Variants in ATP1A2 observed in about 807,000 individuals in gnomAD.
ATP1A2 encodes the protein sodium/potassium-transporting ATPase subunit alpha-2.
ATP1A2 carries 56 observed loss-of-function variants against 113.1 expected under a neutral mutation model. The ratio of observed to expected loss-of-function variants is 0.49; its 90% CI spans 0.40 to 0.62. ATP1A2 has a LOEUF of 0.62. Ranked by LOEUF, ATP1A2 falls within the 20% of genes least tolerant of loss-of-function variation. The pLI is 0.00. For missense variants in ATP1A2, 712 were observed against 1,357.8 expected, an observed-to-expected ratio of 0.52 and a Z score of 7.47; for synonymous variants, 490 against 526.8, an observed-to-expected ratio of 0.93 and a Z score of 0.96.
intron 2 of ATP1A2, 46 bp downstream of exon 2, chr1:160,121,056 A>G: frequency 1.2e-6 from 2 of 1,610,586 alleles, no homozygotes; most frequent in Non-Finnish European, 1.7e-6. Context: ...ATGCTGGGAG[A>G]GCTGTCCCTG....
In ATP1A2 at chr1:160,120,930, G is replaced by A. The variant is rs753074130; in HGVS notation, c.37G>A (p.Ala13Thr). The change falls in exon 2 of 23, where the codon GCC (alanine) becomes ACC (threonine). Residue 13 changes from alanine (A) to threonine (T), a missense_variant. This residue lies in a region of ATP1A2 where 109 missense variants were observed against 162.3 expected (regional missense o/e 0.67). Coordinates refer to ENST00000361216, the MANE Select transcript of ATP1A2 (RefSeq NM_000702.4). ...GGCTGGCCGTGAGTACTCACCTGCCGCCACCACGGCAGAGAATGGGGGCGG... is the reference window on the plus strand; with the variant it reads ...GGCTGGCCGTGAGTACTCACCTGCCACCACCACGGCAGAGAATGGGGGCGG... ...RGAGREYSPAATTAENGGGKK... is the reference protein window; with the variant it reads ...RGAGREYSPATTTAENGGGKK... The A allele has an allele frequency of 1.2e-5, 19 of 1,605,170 alleles. No individual in the cohort carries two copies. The highest frequency in any genetic ancestry group is 4.5e-5 in the South Asian group (4 of 89,846).
At chr1:160,127,480 T>A (rs1224554044) in intron 7 of ATP1A2, 72 bp from the exon 8 acceptor site, 2 of 1,605,770 alleles carry the variant, frequency 1.2e-6, no homozygotes, top group Non-Finnish European at 1.7e-6. Flanking sequence ...TTTTCCTTGC[T>A]CAGGAAATAG....
At chr1:160,123,825 T>C (rs1273427614) in intron 4 of ATP1A2, 118 bp from the exon 5 acceptor site, 3 of 915,878 alleles carry the variant, frequency 3.3e-6, no homozygotes, top group Non-Finnish European at 5.3e-6. Context: ...TCACTCTCAG[T>C]CACAGACAAA....
intron 1 of ATP1A2, among the ~76,000 whole-genome samples, chr1:160,116,154 C>G (rs1651170625): frequency 6.6e-6 from 1 of 151,942 alleles, no homozygotes; most frequent in African/African-American, 2.4e-5. Context: ...CCACCCCACT[C>G]CCACATCTCT....
chr1:160,139,964 T>C lies in ATP1A2; in HGVS notation c.3014T>C (p.Ile1005Thr), dbSNP rs369228503. 7.4e-6 allele frequency: 12 copies of C among 1,613,902 alleles called. No individual in the cohort carries two copies. In the African/African-American group the frequency reaches 1.5e-4, roughly 20 times the overall value. Residue 1005 changes from isoleucine to threonine, a missense_variant, in exon 22 of 23, where the codon ATC becomes ACC. Coordinates refer to ENST00000361216, the MANE Select transcript of ATP1A2 (RefSeq NM_000702.4). Reference sequence around the variant, plus strand: ...ATCTATGATGAGGTCCGAAAGCTCATCCTGCGGCGGTATCCTGGTGGTAAG... The same window carrying C: ...ATCTATGATGAGGTCCGAAAGCTCACCCTGCGGCGGTATCCTGGTGGTAAG... ...IFIYDEVRKLILRRYPGGWVE... is the reference protein window; with the variant it reads ...IFIYDEVRKLTLRRYPGGWVE...
chr1:160,130,748 C>A (rs897179745), intron 13 of ATP1A2, 151 bp downstream of exon 13: 70 of 1,140,748 alleles, frequency 6.1e-5, no homozygotes, highest in Non-Finnish European at 7.6e-5. Context: ...AGGAAAGGCC[C>A]ACCCCTGCCT....
Position 160,141,294 on chromosome 1 carries a change from G to A in ATP1A2, c.3035G>A (p.Gly1012Asp). ...RKLILRRYPG[G>D]WVEKETYY ...TCTCCACTCCCAATCTCTCTAACAG[G>A]CTGGGTGGAGAAGGAGACATACTAC... The change falls in exon 23 of 23, where the codon GGC (glycine) becomes GAC (aspartate). Residue 1012 changes from glycine (G) to aspartate (D), a missense_variant and splice_region_variant. Gly to Asp is a moderately conservative substitution (Grantham distance 94). Coordinates refer to ENST00000361216, the MANE Select transcript of ATP1A2 (RefSeq NM_000702.4). 6.2e-7 allele frequency: 1 copy of A among 1,614,032 alleles called. No homozygotes were observed. The highest frequency in any genetic ancestry group is 8.5e-7 in the Non-Finnish European group (1 of 1,179,960).
In ATP1A2 at chr1:160,135,909, C is replaced by T. The variant is rs779086885; in HGVS notation, c.2355C>T (p.Thr785=). 4.3e-6 allele frequency: 7 copies of T among 1,614,012 alleles called. No homozygotes were observed. The highest frequency in any genetic ancestry group is 3.3e-5 in the South Asian group (3 of 91,082). ...TGACCAGCAACATCCCCGAGATCAC[C>T]CCCTTCCTGCTGTTCATCATTGCCA... ...YTLTSNIPEI[T]PFLLFIIANI... The change falls in exon 17 of 23, where the codon ACC becomes ACT. Residue 785 remains threonine, a synonymous_variant. Transcript: ENST00000361216. The surrounding 1 kb of genome is among the most constrained non-coding windows in gnomAD (Gnocchi z 6.3).
rs780852372 is a variant in ATP1A2 at position 160,123,460 on chromosome 1, C to T, written c.381+44C>T. 1.9e-6 allele frequency: 3 copies of T among 1,612,772 alleles called. No homozygotes were observed. The East Asian group carries it at 6.7e-5, about 36-fold the overall frequency. On this transcript the variant is annotated intron_variant, in intron 4 of 22. Transcript: ENST00000361216. ...CCCGGGAACAGCCCGTGACTGTCCT[C>T]CAACCCTGAACCCCCAACACAGTGG...
rs774885222 is a variant in ATP1A2 at position 160,123,427 on chromosome 1, A to G, written c.381+11A>G. 1 of 1,614,116 alleles carries G rather than the reference A, an allele frequency of 6.2e-7. No individual in the cohort carries two copies. Among genetic ancestry groups the G allele is most frequent in the Non-Finnish European group, 8.5e-7 (1 of 1,180,008 alleles). On this transcript the variant is annotated intron_variant, in intron 4 of 22. Coordinates refer to ENST00000361216, the MANE Select transcript of ATP1A2 (RefSeq NM_000702.4). ...CCATCCAACGACAATGTGAGCCCAC[A>G]CGCCCGACCCGGGAACAGCCCGTGA...
chr1:160,133,557 G>A (rs752689050), intron 13 of ATP1A2, among the ~76,000 whole-genome samples: 5 of 152,136 alleles, frequency 3.3e-5, no homozygotes, highest in Non-Finnish European at 7.4e-5. Flanking sequence ...AGGGACCACC[G>A]TGCTCACCAG....
chr1:160,130,265 T>TC lies in ATP1A2; in HGVS notation c.1625_1626insC (p.Leu545ThrfsTer28). On this transcript the variant is annotated frameshift_variant, in exon 12 of 23. Coordinates refer to ENST00000361216, the MANE Select transcript of ATP1A2 (RefSeq NM_000702.4). LOFTEE classifies it high-confidence loss of function. ...GCCTTTCAAAATGCCTACATGGAGC[T>TC]GGGGGGACTTGGGGAGCGTGTGCTG... 6.2e-7 allele frequency: 1 copy of TC among 1,613,984 alleles called. No individual in the cohort carries two copies. The highest frequency in any genetic ancestry group is 8.5e-7 in the Non-Finnish European group (1 of 1,180,000).
chr1:160,127,302 T>C (rs920373521), intron 7 of ATP1A2, among the ~76,000 whole-genome samples: 1 of 152,248 alleles, frequency 6.6e-6, no homozygotes, highest in Admixed American at 6.5e-5. Context: ...ATTTGAACTT[T>C]GAGATTATTT....
intron 7 of ATP1A2, among the ~76,000 whole-genome samples, chr1:160,127,208 C>T (rs767587522): frequency 1.1e-4 from 17 of 152,298 alleles, no homozygotes; most frequent in Middle Eastern, 3.4e-3. Flanking sequence ...ACTTTGTGTT[C>T]ATAATATACT....
chr1:160,131,344 G>A (rs1651764852), intron 13 of ATP1A2, among the ~76,000 whole-genome samples: 1 of 152,140 alleles, frequency 6.6e-6, no homozygotes, highest in Non-Finnish European at 1.5e-5. Context: ...TTACAAAGAG[G>A]GAAACTGAGG....
At chr1:160,140,396 G>T (rs748413047) in intron 22 of ATP1A2, among the ~76,000 whole-genome samples, 2 of 152,086 alleles carry the variant, frequency 1.3e-5, no homozygotes, top group South Asian at 4.1e-4. Context: ...CTCATCAACC[G>T]ACAAGTTATT....
chr1:160,134,895 T>G (rs1651886025), intron 14 of ATP1A2, among the ~76,000 whole-genome samples: 1 of 152,096 alleles, frequency 6.6e-6, no homozygotes, highest in Non-Finnish European at 1.5e-5. Flanking sequence ...GAGTGGGATG[T>G]GAGTAAAGAA....
chr1:160,123,320 C>CG lies in ATP1A2; in HGVS notation c.291dup (p.Phe98ValfsTer25). On this transcript the variant is annotated frameshift_variant, in exon 4 of 23. Coordinates refer to ENST00000361216, the MANE Select transcript of ATP1A2 (RefSeq NM_000702.4). LOFTEE classifies it high-confidence loss of function. ...GGGTCAAGTTCTGCCGTCAGCTTTT[C>CG]GGGGGGTTCTCCATCCTGCTGTGGA... 1 of 1,614,230 alleles carries CG rather than the reference C, an allele frequency of 6.2e-7. No individual in the cohort carries two copies. Among genetic ancestry groups the CG allele is most frequent in the Non-Finnish European group, 8.5e-7 (1 of 1,180,036 alleles).
chr1:160,141,572 C>T lies in ATP1A2; in HGVS notation c.*250C>T, dbSNP rs971321579. 13 of 577,432 alleles carry T rather than the reference C, an allele frequency of 2.3e-5. No homozygotes were observed. The African/African-American group carries it at 2.4e-4, about 11-fold the overall frequency. The allele number at this position is 577,432 out of a possible 1,614,324, so 35.8% of individuals were successfully genotyped here. A position where few individuals can be genotyped will look rare whatever the true frequency, so the allele number is the denominator to read the frequency against. On this transcript the variant is annotated 3_prime_UTR_variant, in exon 23 of 23. Coordinates refer to ENST00000361216, the MANE Select transcript of ATP1A2 (RefSeq NM_000702.4). Reference sequence around the variant, plus strand: ...CCCGACCAGATCCTTTTCCATCCCACTCCACTATGTTGTCTATTTTTTCTG... The same window carrying T: ...CCCGACCAGATCCTTTTCCATCCCATTCCACTATGTTGTCTATTTTTTCTG...
Sources: allele counts gnomAD v4.1 joint callset (sites outside exome capture counted in the v4.1 genomes callset), GRCh38; gene constraint gnomAD v4.1.1; regional missense constraint gnomAD v4.1.1; non-coding constraint Gnocchi (gnomAD v3.1); transcripts MANE v1.5; gene names NCBI Gene and HGNC (gene_info 2026-07-23, HGNC 2026-07-21).